Variants in SRRM2 observed in about 807,000 individuals in gnomAD.
SRRM2 encodes serine/arginine repetitive matrix protein 2.
In SRRM2, 30 loss-of-function variants were observed where a neutral mutation model predicts 213.8. The ratio of observed to expected loss-of-function variants is 0.14; its 90% CI spans 0.10 to 0.19. The LOEUF is 0.19. SRRM2 is among the 10% of genes least tolerant of loss of function. The probability of loss-of-function intolerance (pLI) is 1.00; values close to 1 mark genes in which losing one functional copy is unlikely to be tolerated. For synonymous variants in SRRM2, 2,025 were observed against 1,377.7 expected, an observed-to-expected ratio of 1.47 and a Z score of -10.40; for missense variants, 4,904 against 3,647.0, an observed-to-expected ratio of 1.34 and a Z score of -8.88.
rs201056497 is a variant in SRRM2 at position 2,756,520 on chromosome 16, G to T, written c.156G>T (p.Arg52=). The change falls in exon 2 of 15, where the codon CGG becomes CGT. Residue 52 remains arginine (R), a synonymous_variant. Coordinates refer to ENST00000301740, the MANE Select transcript of SRRM2 (RefSeq NM_016333.4). The stretch of plus-strand genomic sequence containing the variant: ...GCCTGGAGGCTGCCCTGGTGAAGCG[G>T]CCTAATCCTGACATCCTGGACCACG... ...LRRLEAALVK[R]PNPDILDHER... 1.5e-5 allele frequency: 25 copies of T among 1,614,116 alleles called. No homozygotes were observed. The African/African-American group carries it at 3.2e-4, about 21-fold the overall frequency.
chr16:2,759,455 T>C (rs1015496573), intron 8 of SRRM2, 53 bp downstream of exon 8: 3 of 1,596,862 alleles, frequency 1.9e-6, no homozygotes, highest in Non-Finnish European at 2.6e-6. Context: ...GCCACCTTAG[T>C]GGGAGGGAGT....
chr16:2,753,549 C>G (rs954466036), intron 1 of SRRM2: 1 of 152,204 alleles, frequency 6.6e-6, no homozygotes, highest in African/African-American at 2.4e-5. Flanking sequence ...CCTTTTTACA[C>G]TTTTTCAACG....
At chr16:2,756,097 G>A (rs1428765301) in intron 1 of SRRM2, among the ~76,000 whole-genome samples, 1 of 152,086 alleles carries the variant, frequency 6.6e-6, no homozygotes, top group African/African-American at 2.4e-5. Flanking sequence ...TCTGTGCAAG[G>A]GCATTGAGAG....
At chr16:2,755,271 T>G (rs1027975966) in intron 1 of SRRM2, among the ~76,000 whole-genome samples, 3 of 152,130 alleles carry the variant, frequency 2.0e-5, no homozygotes, top group African/African-American at 7.2e-5. Flanking sequence ...GGCTAGAACC[T>G]GGGAGGAGGC....
In SRRM2 at chr16:2,763,193, C is replaced by T. The variant is rs763919110; in HGVS notation, c.2665C>T (p.His889Tyr). ...PELKSRTPSR[H>Y]SCSGSSPPRV... is the part of the protein sequence containing the mutation. ...GTTGAAATCTAGGACCCCTTCTAGA[C>T]ATAGCTGCTCAGGGTCCTCTCCTCC... Residue 889 changes from histidine (H) to tyrosine (Y), a missense_variant, in exon 11 of 15, where the codon CAT (histidine) becomes TAT (tyrosine). Transcript: ENST00000301740. 3.7e-6 allele frequency: 6 copies of T among 1,614,138 alleles called. No individual in the cohort carries two copies. In the East Asian group the frequency reaches 6.7e-5, roughly 18 times the overall value.
chr16:2,769,762 C>T (rs1410089574), intron 12 of SRRM2: 1 of 467,438 alleles, frequency 2.1e-6, no homozygotes, highest in Non-Finnish European at 4.3e-6. Context: ...CAGGACAAAG[C>T]CCCACCTCTG....
rs138907366 is a variant in SRRM2 at position 2,769,198 on chromosome 16, G to T, written c.7935G>T (p.Ser2645=). 21 of 1,605,124 alleles carry T rather than the reference G, an allele frequency of 1.3e-5. No individual in the cohort carries two copies. Among genetic ancestry groups the T allele is most frequent in the African/African-American group, 4.1e-5 (3 of 73,788 alleles). Residue 2645 remains serine, a synonymous_variant, in exon 12 of 15, where the codon TCG becomes TCT. Coordinates refer to ENST00000301740, the MANE Select transcript of SRRM2 (RefSeq NM_016333.4). ...CCTCCTCATCTTCCTCCTCCTCGTC[G>T]TCTTCCTCCCCTTCCCCTGCTAAGC... The part of the protein sequence containing the change: ...SSSSSSSSSS[S]SSSPSPAKPG...
intron 1 of SRRM2, 72 bp downstream of exon 1, chr16:2,752,918 G>A (rs2067976328): frequency 1.1e-5 from 2 of 184,310 alleles, no homozygotes; most frequent in Non-Finnish European, 2.3e-5. Flanking sequence ...CAAAGCGCGC[G>A]GAGAACTGCC....
chr16:2,768,127 C>T lies in SRRM2; in HGVS notation c.7599C>T (p.Ser2533=). Residue 2533 remains serine (S), a synonymous_variant, in exon 11 of 15, where the codon TCC becomes TCT. Transcript: ENST00000301740. ...ALQPAKERRS[S]SSSSSSSSSS... is the part of the protein sequence containing the mutation. The stretch of plus-strand genomic sequence containing the variant: ...AGCCAGCAAAGGAGCGGCGGAGTTC[C>T]TCCTCGTCGTCGTCGTCCTCTAGCT... The T allele has an allele frequency of 3.7e-6, 6 of 1,613,852 alleles. No homozygotes were observed. In the South Asian group the frequency reaches 4.4e-5, roughly 12 times the overall value.
intron 14 of SRRM2, 51 bp from the exon 15 acceptor site, chr16:2,770,807 C>A (rs773302178): frequency 6.2e-6 from 10 of 1,613,142 alleles, no homozygotes; most frequent in Non-Finnish European, 8.5e-6. Flanking sequence ...CAGAAACTGG[C>A]CTTGAGGGCT....
intron 12 of SRRM2, chr16:2,770,089 G>C: frequency 1.5e-6 from 2 of 1,332,068 alleles, no homozygotes; most frequent in South Asian, 3.1e-5. Flanking sequence ...ACACGGGGCC[G>C]TGCGTGCCTT....
At position 2,770,712 on chromosome 16, in the gene SRRM2, C is replaced by T. The variant is rs377611383; in HGVS notation, c.8244C>T (p.Ser2748=). The part of the protein sequence containing the change: ...TPSPRPMRHR[S]SRSP ...GCCCTCGGCCCATGAGACACCGCTC[C>T]TCCAGGTGCGTGTCCTGGAAGGCTG... Residue 2748 remains serine (S), a synonymous_variant, in exon 14 of 15, where the codon TCC becomes TCT. Coordinates refer to ENST00000301740, the MANE Select transcript of SRRM2 (RefSeq NM_016333.4). 216 of 1,565,344 alleles carry T rather than the reference C, an allele frequency of 1.4e-4. No individual in the cohort carries two copies. Among genetic ancestry groups the T allele is most frequent in the Non-Finnish European group, 1.8e-4 (202 of 1,153,288 alleles).
Position 2,763,653 on chromosome 16 carries a change from G to A in SRRM2, c.3125G>A (p.Ser1042Asn). ...TCTCTCTGTGCAGGAGTAAAATCTA[G>A]CACACCACCAGGCGAGAGCTATTTT... Reference protein sequence around the residue: ...SLSLCAGVKSSTPPGESYFGV... With the variant: ...SLSLCAGVKSNTPPGESYFGV... Residue 1042 changes from serine to asparagine, a missense_variant, in exon 11 of 15, where the codon AGC (serine) becomes AAC (asparagine). By Grantham distance (46) the Ser-to-Asn change is conservative. Transcript: ENST00000301740. The A allele has an allele frequency of 6.2e-7, 1 of 1,614,136 alleles. No homozygotes were observed. The highest frequency in any genetic ancestry group is 8.5e-7 in the Non-Finnish European group (1 of 1,180,038).
Position 2,760,498 on chromosome 16 carries a change from A to C in SRRM2, c.1031A>C (p.Glu344Ala), listed in dbSNP as rs2068302411. Residue 344 changes from glutamate (E) to alanine (A), a missense_variant and splice_region_variant, in exon 10 of 15, where the codon GAG becomes GCG. Physicochemically the swap from Glu to Ala is moderately radical, Grantham distance 107 (BLOSUM62 -1). Coordinates refer to ENST00000301740, the MANE Select transcript of SRRM2 (RefSeq NM_016333.4). Reference sequence around the variant, plus strand: ...GAAGACAAAGATAAAGACAAGAAGGAGGTATGTTCCTGAGTTGGTGATGTT... The same window carrying C: ...GAAGACAAAGATAAAGACAAGAAGGCGGTATGTTCCTGAGTTGGTGATGTT... The part of the protein sequence containing the change: ...PYEDKDKDKK[E>A]KSATRPSPSP... The C allele has an allele frequency of 2.5e-6, 4 of 1,614,028 alleles. No homozygotes were observed. Among genetic ancestry groups the C allele is most frequent in the Non-Finnish European group, 3.4e-6 (4 of 1,180,018 alleles).
At position 2,766,693 on chromosome 16, in the gene SRRM2, A is replaced by G. The variant is rs1596288860; in HGVS notation, c.6165A>G (p.Arg2055=). 6.2e-7 allele frequency: 1 copy of G among 1,614,092 alleles called. No homozygotes were observed. Among genetic ancestry groups the G allele is most frequent in the Non-Finnish European group, 8.5e-7 (1 of 1,180,016 alleles). ...RSPLAIRRRS[R]SRTPRTARGK... ...CACTTGCTATCCGCCGCCGCTCCAG[A>G]TCCCGTACTCCACGAACAGCTCGGG... Residue 2055 remains arginine, a synonymous_variant, in exon 11 of 15, where the codon AGA becomes AGG. Transcript: ENST00000301740. This position sits in a 1 kb window ranked among gnomAD's most constrained non-coding sequence, Gnocchi z 7.0.
intron 4 of SRRM2, 130 bp downstream of exon 4, chr16:2,758,075 C>T (rs534574308): frequency 8.2e-7 from 1 of 1,216,080 alleles, no homozygotes; most frequent in Admixed American, 2.4e-5. Flanking sequence ...TTGAGGTGTC[C>T]AAAAAAATGT....
Position 2,763,217 on chromosome 16 carries a change from C to T in SRRM2, c.2689C>T (p.Pro897Ser), listed in dbSNP as rs747314234. The T allele has an allele frequency of 2.5e-6, 4 of 1,614,086 alleles. No homozygotes were observed. Among genetic ancestry groups the T allele is most frequent in the Admixed American group, 1.7e-5 (1 of 60,014 alleles). ...ACATAGCTGCTCAGGGTCCTCTCCT[C>T]CTAGAGTGAAATCTAGCACACCTCC... ...SRHSCSGSSP[P>S]RVKSSTPPRQ... The change falls in exon 11 of 15, where the codon CCT becomes TCT. Residue 897 changes from proline (P) to serine (S), a missense_variant. Pro to Ser is a moderately conservative substitution (Grantham distance 74). Transcript: ENST00000301740.
At chr16:2,768,745 C>T (rs915658968) in intron 11 of SRRM2, 5 of 752,248 alleles carry the variant, frequency 6.6e-6, no homozygotes, top group Non-Finnish European at 1.2e-5. Context: ...AGGCCTTATT[C>T]CTCCATCAGG....
chr16:2,763,598 T>C lies in SRRM2; in HGVS notation c.3070T>C (p.Ser1024Pro). 2.5e-6 allele frequency: 4 copies of C among 1,614,102 alleles called. No individual in the cohort carries two copies. Among genetic ancestry groups the C allele is most frequent in the Non-Finnish European group, 3.4e-6 (4 of 1,180,048 alleles). Reference sequence around the variant, plus strand: ...ATGTCCCCAAGAGAAGTCTAAAGACTCACTAGTTCAAAGTTGCCCTGGATC... The same window carrying C: ...ATGTCCCCAAGAGAAGTCTAAAGACCCACTAGTTCAAAGTTGCCCTGGATC... ...SPCPQEKSKDSLVQSCPGSLS... is the reference protein window; with the variant it reads ...SPCPQEKSKDPLVQSCPGSLS... Residue 1024 changes from serine to proline, a missense_variant, in exon 11 of 15, where the codon TCA (serine) becomes CCA (proline). Physicochemically the swap from Ser to Pro is moderately conservative, Grantham distance 74. Coordinates refer to ENST00000301740, the MANE Select transcript of SRRM2 (RefSeq NM_016333.4).
Sources: gnomAD v4.1 joint callset for allele counts (sites outside exome capture counted in the v4.1 genomes callset) on GRCh38, gnomAD v4.1.1 for gene constraint, Gnocchi (gnomAD v3.1) non-coding constraint, MANE v1.5 for transcripts, NCBI Gene and HGNC (gene_info 2026-07-23, HGNC 2026-07-21) for gene names.